AOAH: variants seen among roughly 807,000 people sequenced by gnomAD.
The protein encoded by AOAH is acyloxyacyl hydrolase (neutrophil).
AOAH carries 64 observed loss-of-function variants against 92.2 expected under a neutral mutation model. That is an observed-to-expected ratio of 0.69 (90% CI 0.57 to 0.86). AOAH has a LOEUF of 0.86. Among genes scored for constraint, AOAH ranks in the 40% least tolerant of loss-of-function variants. The probability of loss-of-function intolerance (pLI) is 0.00; values close to 1 mark genes in which losing one functional copy is unlikely to be tolerated. For missense variants in AOAH, 656 were observed against 694.6 expected, an observed-to-expected ratio of 0.94 and a Z score of 0.62; for synonymous variants, 263 against 254.5, an observed-to-expected ratio of 1.03 and a Z score of -0.32.
At chr7:36,668,965 T>C (rs1039954501) in intron 3 of AOAH, among the ~76,000 whole-genome samples, 9 of 152,256 alleles carry the variant, frequency 5.9e-5, no homozygotes, top group African/African-American at 2.2e-4. Flanking sequence ...GAGTGCAGCA[T>C]GCAGGAAGGG....
chr7:36,645,113 A>C (rs369772124), intron 4 of AOAH, among the ~76,000 whole-genome samples: 1 of 152,188 alleles, frequency 6.6e-6, no homozygotes, highest in East Asian at 1.9e-4. Context: ...AGCATGAGGC[A>C]GTGTCTGTGC....
chr7:36,569,722 T>G (rs1340652213), intron 13 of AOAH, among the ~76,000 whole-genome samples: 2 of 152,050 alleles, frequency 1.3e-5, no homozygotes, highest in Non-Finnish European at 2.9e-5. Context: ...GTGATTCTCC[T>G]GCCTCAGCCT....
At chr7:36,700,715 G>A (rs907120792) in intron 1 of AOAH, among the ~76,000 whole-genome samples, 1 of 152,008 alleles carries the variant, frequency 6.6e-6, no homozygotes, top group African/African-American at 2.4e-5. Context: ...TGGGATTGAT[G>A]GTTTGAAAAG....
At chr7:36,577,232 AGAT>A (rs1788579434) in intron 12 of AOAH, among the ~76,000 whole-genome samples, 1 of 152,114 alleles carries the variant, frequency 6.6e-6, no homozygotes. Flanking sequence ...GTTCTGGGTG[AGAT>A]GAGATGGGAT....
Position 36,625,609 on chromosome 7 carries a change from A to T in AOAH, c.522-2359T>A, listed in dbSNP as rs570899945. 9.1e-4 allele frequency among the ~76,000 whole-genome samples: 139 copies of T among 152,256 alleles called. 1 individual carries two copies. The highest frequency in any genetic ancestry group is 6.8e-3 in the Middle Eastern group (2 of 294). The stretch of plus-strand genomic sequence containing the variant: ...GAGAGCCACCAGCAGGAAATTAGAA[A>T]CGTTCTACTTGCTGACTCCACACAT... On this transcript the variant is annotated intron_variant, in intron 6 of 20. Transcript: ENST00000617537.
At position 36,594,376 on chromosome 7, in the gene AOAH, G is replaced by T. The variant is rs532074352; in HGVS notation, c.901C>A (p.Leu301Ile). ...ALTNELDWPQ[L>I]SGATGFLDST... ...TCCAGAAATCCTGTAGCACCAGAGA[G>T]TTGGGGCCAGTCAAGCTCGTTGGTA... Residue 301 changes from leucine to isoleucine, a missense_variant, in exon 12 of 21, where the codon CTC becomes ATC. Leu to Ile is a conservative substitution (Grantham distance 5). Coordinates refer to ENST00000617537, the MANE Select transcript of AOAH (RefSeq NM_001637.4). 1 of 1,614,112 alleles carries T rather than the reference G, an allele frequency of 6.2e-7. No individual in the cohort carries two copies. Among genetic ancestry groups the T allele is most frequent in the Non-Finnish European group, 8.5e-7 (1 of 1,179,944 alleles).
intron 20 of AOAH, among the ~76,000 whole-genome samples, chr7:36,517,510 A>C (rs1306193409): frequency 6.6e-6 from 1 of 151,964 alleles, no homozygotes; most frequent in Non-Finnish European, 1.5e-5. Flanking sequence ...CTTAAGCAAA[A>C]AGAGAAAAAC....
At chr7:36,668,635 C>T (rs1490929155) in intron 3 of AOAH, among the ~76,000 whole-genome samples, 1 of 152,122 alleles carries the variant, frequency 6.6e-6, no homozygotes, top group African/African-American at 2.4e-5. Flanking sequence ...TAGAGAGGTG[C>T]ACCGCCACCC....
chr7:36,593,257 T>A (rs1562600530), intron 12 of AOAH, among the ~76,000 whole-genome samples: 2 of 152,230 alleles, frequency 1.3e-5, no homozygotes, highest in Admixed American at 6.5e-5. Flanking sequence ...CTGTGCCTGA[T>A]TAGGTGGTTA....
intron 15 of AOAH, among the ~76,000 whole-genome samples, chr7:36,543,796 T>A (rs957494285): frequency 1.3e-5 from 2 of 152,152 alleles, no homozygotes; most frequent in Admixed American, 1.3e-4. Flanking sequence ...TTAATTTGCA[T>A]AGCAAAATCA....
intron 11 of AOAH, among the ~76,000 whole-genome samples, chr7:36,604,832 T>C (rs1187429198): frequency 2.0e-5 from 3 of 152,246 alleles, no homozygotes; most frequent in East Asian, 1.9e-4. Flanking sequence ...TATCCTGCTC[T>C]GTTAAGAAGA....
chr7:36,693,559 T>C (rs955820622), intron 1 of AOAH, among the ~76,000 whole-genome samples: 1 of 152,146 alleles, frequency 6.6e-6, no homozygotes, highest in Non-Finnish European at 1.5e-5. Flanking sequence ...TATTGATCAA[T>C]AAAGTATTAG....
At chr7:36,672,621 A>G (rs779095283) in intron 3 of AOAH, among the ~76,000 whole-genome samples, 1 of 152,178 alleles carries the variant, frequency 6.6e-6, no homozygotes, top group Non-Finnish European at 1.5e-5. Context: ...AGCCTGTCAG[A>G]AGGTGGGGGA....
chr7:36,567,475 A>G (rs1160508758), intron 13 of AOAH, among the ~76,000 whole-genome samples: 1 of 152,222 alleles, frequency 6.6e-6, no homozygotes, highest in Non-Finnish European at 1.5e-5. Context: ...AAGATGGAGT[A>G]TATAAAGTAC....
At chr7:36,543,057 T>C (rs776826716) in intron 15 of AOAH, among the ~76,000 whole-genome samples, 1 of 152,140 alleles carries the variant, frequency 6.6e-6, no homozygotes, top group East Asian at 1.9e-4. Context: ...ATGTCATGGA[T>C]CGCTAGAGTC....
chr7:36,559,507 T>G (rs1294221774), intron 13 of AOAH, among the ~76,000 whole-genome samples: 1 of 152,198 alleles, frequency 6.6e-6, no homozygotes, highest in Non-Finnish European at 1.5e-5. Flanking sequence ...AGTGATGTTG[T>G]GTCTTTTTTC....
chr7:36,582,231 G>A (rs1464139364), intron 12 of AOAH, among the ~76,000 whole-genome samples: 1 of 152,058 alleles, frequency 6.6e-6, no homozygotes, highest in Admixed American at 6.5e-5. Flanking sequence ...TCAAAATCCG[G>A]TCCAATGTGC....
intron 4 of AOAH, among the ~76,000 whole-genome samples, chr7:36,639,258 T>C (rs1483450450): frequency 6.6e-6 from 1 of 152,224 alleles, no homozygotes; most frequent in Admixed American, 6.5e-5. Context: ...GCATAGTCAG[T>C]GTAACAGACA....
intron 12 of AOAH, 28 bp downstream of exon 12, chr7:36,594,311 A>G (rs756823959): frequency 6.4e-7 from 1 of 1,556,042 alleles, no homozygotes; most frequent in South Asian, 1.1e-5. Context: ...AGGTATTGAA[A>G]TGTCTGAGGG....
Sources: allele counts gnomAD v4.1 joint callset (sites outside exome capture counted in the v4.1 genomes callset), GRCh38; gene constraint gnomAD v4.1.1; transcripts MANE v1.5; gene names NCBI Gene and HGNC (gene_info 2026-07-23, HGNC 2026-07-21).